The following RYR1 variants were observed in gnomAD, a reference collection of about 807,000 sequenced individuals.
RYR1 encodes the protein central core disease of muscle.
Under a neutral mutation model 583.5 loss-of-function variants are expected in RYR1, and 342 were observed. The observed-to-expected ratio is 0.59, with a 90% CI of 0.54 to 0.64. RYR1 has a LOEUF of 0.64. RYR1 is among the 30% of genes least tolerant of loss of function. The pLI is 0.00. For missense variants in RYR1, 6,032 were observed against 6,917.2 expected, an observed-to-expected ratio of 0.87 and a Z score of 4.54; for synonymous variants, 2,791 against 2,822.5, an observed-to-expected ratio of 0.99 and a Z score of 0.35.
Position 38,446,470 on chromosome 19 carries a change from A to G in RYR1, c.632-2A>G. ...TGACCAACTTCCCTTGCTCCTCTCC[A>G]GGCTTCGTGACGGGAGGTCACGTCC... is the stretch of plus-strand genomic sequence containing the variant. On this transcript the variant is annotated splice_acceptor_variant, in intron 7 of 105. Transcript: ENST00000359596. LOFTEE classifies it high-confidence loss of function. 4.3e-6 allele frequency: 7 copies of G among 1,613,106 alleles called. No homozygotes were observed. The highest frequency in any genetic ancestry group is 5.9e-6 in the Non-Finnish European group (7 of 1,179,072).
chr19:38,561,493 G>C lies in RYR1; in HGVS notation c.12624+39G>C. On this transcript the variant is annotated intron_variant, in intron 90 of 105. Transcript: ENST00000359596. The surrounding 1 kb of genome is among the most constrained non-coding windows in gnomAD (Gnocchi z 4.8). ...CGCGCGTGCAAGCTCGCCTCCTGGG[G>C]CTTCGGGCATGCGGGTGCTCACTTC... 2 of 1,577,246 alleles carry C rather than the reference G, an allele frequency of 1.3e-6. No homozygotes were observed. The highest frequency in any genetic ancestry group is 8.6e-7 in the Non-Finnish European group (1 of 1,163,146).
rs5828009 is a variant in RYR1 at position 38,507,857 on chromosome 19, G to GC, written c.8932+34dup. The GC allele has an allele frequency of 0.28, 379,134 of 1,375,464 alleles. 57,889 individuals are homozygous for GC. The highest frequency in any genetic ancestry group is 0.44 in the South Asian group (38,152 of 85,780). 85.2% of individuals were successfully genotyped at this position (1,375,464 alleles called of 1,614,324 possible). On this transcript the variant is annotated intron_variant, in intron 58 of 105. Transcript: ENST00000359596. ...GGAGAAATACCCCCCGCTTATGCCC[G>GC]CCCCACCTGCAGACACCAGTTCTGC...
intron 23 of RYR1, among the ~76,000 whole-genome samples, 158 bp from the exon 24 acceptor site, chr19:38,465,933 T>C (rs984144448): frequency 2.0e-5 from 3 of 152,152 alleles, no homozygotes; most frequent in African/African-American, 7.2e-5. Flanking sequence ...GCCAGGGATC[T>C]CAAAACTTAT....
chr19:38,539,819 G>C (rs1568554220), intron 84 of RYR1, among the ~76,000 whole-genome samples: 1 of 152,128 alleles, frequency 6.6e-6, no homozygotes. Flanking sequence ...ATTTGCACAT[G>C]TCTATAACAG....
In RYR1 at chr19:38,572,443, TGACAGGGGTCTCCAGTAAGGAC is replaced by T. The variant is rs1426833855; in HGVS notation, c.13998+178_13998+199del. ...ACAGGATTGGGGTCTCCAGCAAGGA[TGACAGGGGTCTCCAGTAAGGAC>T]GACATTCAGATTGGGAACGGACACG... is the stretch of plus-strand genomic sequence containing the variant. On this transcript the variant is annotated intron_variant, in intron 95 of 105. Coordinates refer to ENST00000359596, the MANE Select transcript of RYR1 (RefSeq NM_000540.3). 3.9e-5 allele frequency among the ~76,000 whole-genome samples: 6 copies of T among 151,932 alleles called. No individual in the cohort carries two copies. The East Asian group carries it at 7.7e-4, about 20-fold the overall frequency.
At chr19:38,537,742 T>A (rs1972036045) in intron 83 of RYR1, 138 bp from the exon 84 acceptor site, 1 of 840,544 alleles carries the variant, frequency 1.2e-6, no homozygotes, top group Admixed American at 1.8e-5. Flanking sequence ...TCACAGTGTC[T>A]TTGGAGTGGC....
intron 47 of RYR1, among the ~76,000 whole-genome samples, chr19:38,501,469 G>T (rs1451351179): frequency 6.6e-6 from 1 of 152,206 alleles, no homozygotes; most frequent in Non-Finnish European, 1.5e-5. Context: ...CTGCACTCCC[G>T]CCTGGCAATG....
At chr19:38,487,401 A>C (rs1969348290) in intron 34 of RYR1, among the ~76,000 whole-genome samples, 1 of 150,292 alleles carries the variant, frequency 6.7e-6, no homozygotes, top group East Asian at 2.0e-4. Flanking sequence ...ACCCAGGCTG[A>C]AGAGTGCAGT....
rs550196575 is a variant in RYR1 at position 38,536,283 on chromosome 19, C to A, written c.11590+213C>A. ...CCCCATGTCCACCACCCACCTCCGCCCCCCCCCGCCACCAGAAGTCATTCT... is the reference window on the plus strand; with the variant it reads ...CCCCATGTCCACCACCCACCTCCGCACCCCCCCGCCACCAGAAGTCATTCT... On this transcript the variant is annotated intron_variant, in intron 82 of 105. Coordinates refer to ENST00000359596, the MANE Select transcript of RYR1 (RefSeq NM_000540.3). 2.1e-3 allele frequency among the ~76,000 whole-genome samples: 132 copies of A among 63,350 alleles called. 2 individuals carry two copies. Among genetic ancestry groups the A allele is most frequent in the Admixed American group, 0.011 (54 of 5,116 alleles). The allele number at this position is 63,350 out of a possible 152,430, so 41.6% of individuals were successfully genotyped here. A position where few individuals can be genotyped will look rare whatever the true frequency, so the allele number is the denominator to read the frequency against.
intron 31 of RYR1, among the ~76,000 whole-genome samples, chr19:38,481,107 C>T (rs578184741): frequency 5.3e-5 from 8 of 151,906 alleles, no homozygotes; most frequent in Non-Finnish European, 8.8e-5. Context: ...TGGTGCCAAC[C>T]GTACTCAACC....
At chr19:38,439,507 TTTTG>T (rs1372588333) in intron 1 of RYR1, among the ~76,000 whole-genome samples, 5 of 150,720 alleles carry the variant, frequency 3.3e-5, no homozygotes, top group Admixed American at 1.3e-4. Context: ...CTATTTTTGG[TTTTG>T]TTTGTTTGTT....
Position 38,473,664 on chromosome 19 carries a change from T to C in RYR1, c.4053T>C (p.Thr1351=), listed in dbSNP as rs1968554613. ...AGGCAGAGAACGGCAAAGAAGGGACTGCGAAGGAGGGCGCCCCCGGGGGCA... is the reference window on the plus strand; with the variant it reads ...AGGCAGAGAACGGCAAAGAAGGGACCGCGAAGGAGGGCGCCCCCGGGGGCA... The part of the protein sequence containing the change: ...WSEAENGKEG[T]AKEGAPGGTP... The change falls in exon 28 of 106, where the codon ACT becomes ACC. Residue 1351 remains threonine (T), a synonymous_variant. Transcript: ENST00000359596. 6.4e-7 allele frequency: 1 copy of C among 1,552,480 alleles called. No individual in the cohort carries two copies. The highest frequency in any genetic ancestry group is 1.2e-5 in the South Asian group (1 of 84,270).
chr19:38,493,515 C>CTT, intron 38 of RYR1, among the ~76,000 whole-genome samples: 1 of 143,078 alleles, frequency 7.0e-6, no homozygotes, highest in African/African-American at 2.6e-5. Flanking sequence ...TTTTCTTTTT[C>CTT]GTTTTTTTTT....
chr19:38,566,254 T>G (rs963790679), intron 91 of RYR1, among the ~76,000 whole-genome samples: 2 of 151,256 alleles, frequency 1.3e-5, no homozygotes, highest in African/African-American at 2.4e-5. Context: ...TTTGAGACCA[T>G]CCTGGCCACC....
Position 38,504,180 on chromosome 19 carries a change from G to GC in RYR1, c.7927-34dup, listed in dbSNP as rs758572177. 6.7e-5 allele frequency: 107 copies of GC among 1,586,016 alleles called. 1 individual carries two copies. Among genetic ancestry groups the GC allele is most frequent in the Non-Finnish European group, 7.8e-5 (91 of 1,165,784 alleles). On this transcript the variant is annotated intron_variant, in intron 49 of 105. Transcript: ENST00000359596. Reference sequence around the variant, plus strand: ...CTTCGTCTGCCTGCCATTCGCTGGTGCCCCCCTCATTTGTGTGTCCCCCTC... The same window carrying GC: ...CTTCGTCTGCCTGCCATTCGCTGGTGCCCCCCCTCATTTGTGTGTCCCCCTC...
intron 31 of RYR1, among the ~76,000 whole-genome samples, chr19:38,481,727 A>T (rs983391958): frequency 2.1e-4 from 32 of 152,224 alleles, no homozygotes; most frequent in African/African-American, 7.2e-4. Flanking sequence ...CAGAGGTTGT[A>T]GTGAGCTATG....
chr19:38,489,160 G>A lies in RYR1; in HGVS notation c.5548-17G>A, dbSNP rs201386811. ...GCCTTGCAGGCCACAGTGAAGAACC[G>A]AGACTTTGTCCTGTAGGTGATGGGC... On this transcript the variant is annotated splice_polypyrimidine_tract_variant and intron_variant, in intron 34 of 105. Coordinates refer to ENST00000359596, the MANE Select transcript of RYR1 (RefSeq NM_000540.3). 130 of 1,613,814 alleles carry A rather than the reference G, an allele frequency of 8.1e-5. No homozygotes were observed. The highest frequency in any genetic ancestry group is 1.6e-4 in the Middle Eastern group (1 of 6,084).
At chr19:38,528,234 C>T (rs1195009455) in intron 73 of RYR1, 72 bp from the exon 74 acceptor site, 1 of 1,250,588 alleles carries the variant, frequency 8.0e-7, no homozygotes. Context: ...CACAGCTGGG[C>T]AGTTTCATCC....
rs756311466 is a variant in RYR1 at position 38,510,750 on chromosome 19, G to A, written c.9091G>A (p.Ala3031Thr). The change falls in exon 60 of 106, where the codon GCC (alanine) becomes ACC (threonine). Residue 3031 changes from alanine (A) to threonine (T), a missense_variant. Coordinates refer to ENST00000359596, the MANE Select transcript of RYR1 (RefSeq NM_000540.3). ...TAAAGTGCTGGGCAGCGGTGGCCAC[G>A]CCTCTAACAAGGAGAAGGAAATGAT... ...PAKVLGSGGHASNKEKEMITS... is the reference protein window; with the variant it reads ...PAKVLGSGGHTSNKEKEMITS... The A allele has an allele frequency of 6.1e-5, 98 of 1,614,046 alleles. No individual in the cohort carries two copies. Among genetic ancestry groups the A allele is most frequent in the Non-Finnish European group, 7.4e-5 (87 of 1,180,052 alleles).
Sources: allele counts gnomAD v4.1 joint callset (sites outside exome capture counted in the v4.1 genomes callset), GRCh38; gene constraint gnomAD v4.1.1; non-coding constraint Gnocchi (gnomAD v3.1); transcripts MANE v1.5; gene names NCBI Gene and HGNC (gene_info 2026-07-23, HGNC 2026-07-21).